BCL11A: variants seen among roughly 807,000 people sequenced by gnomAD.
BCL11A encodes BCL11 transcription factor A, also known as B cell CLL/lymphoma 11A.
Under a neutral mutation model 55.9 loss-of-function variants are expected in BCL11A, and 2 were observed. The observed-to-expected ratio is 0.04, with a 90% confidence interval of 0.01 to 0.11. BCL11A has a LOEUF of 0.11. Ranked by LOEUF, BCL11A falls within the 10% of genes least tolerant of loss-of-function variation. BCL11A has a pLI of 1.00. For missense variants in BCL11A, 817 were observed against 1,137.1 expected (o/e 0.72, Z 4.05); for synonymous variants, 465 against 473.4 (o/e 0.98, Z 0.23).
At chr2:60,467,192 G>GGTGGTGGTAGTGGTGGTGT (rs1676718594) in intron 3 of BCL11A, among the ~76,000 whole-genome samples, 2 of 140,764 alleles carry the variant, frequency 1.4e-5, no homozygotes, top group East Asian at 2.2e-4. Context: ...GGTGGTGATG[G>GGTGGTGGTAGTGGTGGTGT]TGGTGGTGAT....
rs556926665 is a variant in BCL11A at position 60,491,367 on chromosome 2, C to G, written c.386-22534G>C. Among the ~76,000 whole-genome samples the G allele has an allele frequency of 2.0e-5, 3 of 152,248 alleles. No homozygotes were observed. The South Asian group carries it at 6.2e-4, about 32-fold the overall frequency. On this transcript the variant is annotated intron_variant, in intron 2 of 3. Coordinates refer to ENST00000642384, the MANE Select transcript of BCL11A (RefSeq NM_022893.4). ...CTATTAAGTACAGTAAAAGGAAGTC[C>G]TAACTATCATTTGAAATGCTCCCGG...
chr2:60,481,429 AACGCACT>A (rs1358866556), intron 2 of BCL11A, among the ~76,000 whole-genome samples: 1 of 152,140 alleles, frequency 6.6e-6, no homozygotes, highest in Non-Finnish European at 1.5e-5. Flanking sequence ...TTGCGGCTTT[AACGCACT>A]ACACCCCACC....
chr2:60,540,381 G>T (rs933946180), intron 2 of BCL11A, among the ~76,000 whole-genome samples: 2 of 152,192 alleles, frequency 1.3e-5, no homozygotes, highest in Non-Finnish European at 2.9e-5. Flanking sequence ...GCAATAAAGG[G>T]TGTGAACAGA....
At chr2:60,526,673 G>A (rs897269188) in intron 2 of BCL11A, 1 of 152,222 alleles carries the variant, frequency 6.6e-6, no homozygotes, top group African/African-American at 2.4e-5. Flanking sequence ...AAGCCTTCAA[G>A]TGCAGTGTGT....
chr2:60,457,952 CTTT>C lies in BCL11A; in HGVS notation c.*2449_*2451del, dbSNP rs373340401. On this transcript the variant is annotated 3_prime_UTR_variant, in exon 4 of 4. Coordinates refer to ENST00000642384, the MANE Select transcript of BCL11A (RefSeq NM_022893.4). The stretch of plus-strand genomic sequence containing the variant: ...TAATGTCACACTTTTTTGTTTCTCT[CTTT>C]TTTTTTTTTTTGAAGCATACAAATA... 5.0e-5 allele frequency: 46 copies of C among 916,336 alleles called. No homozygotes were observed. The highest frequency in any genetic ancestry group is 2.7e-4 in the East Asian group (4 of 14,848). The allele number at this position is 916,336 out of a possible 1,614,324, so 56.8% of individuals were successfully genotyped here.
intron 2 of BCL11A, among the ~76,000 whole-genome samples, chr2:60,488,150 C>T (rs1678394642): frequency 6.6e-6 from 1 of 152,220 alleles, no homozygotes; most frequent in Non-Finnish European, 1.5e-5. Flanking sequence ...GTCTCACGGG[C>T]TGTTCAAAGA....
At chr2:60,520,835 C>T (rs1263327008) in intron 2 of BCL11A, among the ~76,000 whole-genome samples, 1 of 151,988 alleles carries the variant, frequency 6.6e-6, no homozygotes, top group Non-Finnish European at 1.5e-5. Context: ...CCACCCATGC[C>T]CTTCTCCAGT....
chr2:60,495,150 C>T lies in BCL11A; in HGVS notation c.386-26317G>A, dbSNP rs528550706. On this transcript the variant is annotated intron_variant, in intron 2 of 3. Transcript: ENST00000642384. ...ATCCAATTCTCCATCACCAAGAGAG[C>T]CTTCCGAAAGAGGCCCCCCTGGGCA... is the stretch of plus-strand genomic sequence containing the variant. Among the ~76,000 whole-genome samples, 28 of 152,360 alleles carry T rather than the reference C, an allele frequency of 1.8e-4. No homozygotes were observed. In the East Asian group the frequency reaches 4.6e-3, roughly 25 times the overall value.
intron 2 of BCL11A, among the ~76,000 whole-genome samples, chr2:60,529,789 G>C (rs528769306): frequency 3.3e-5 from 5 of 152,306 alleles, no homozygotes; most frequent in Middle Eastern, 6.8e-3. Context: ...GCCTTTTCAA[G>C]TCTATGATGG....
At chr2:60,496,771 AG>A (rs1157681741) in intron 2 of BCL11A, among the ~76,000 whole-genome samples, 1 of 132,294 alleles carries the variant, frequency 7.6e-6, no homozygotes, top group Non-Finnish European at 1.6e-5. Context: ...TTCCACTGTG[AG>A]TGCTCTCTCT....
At chr2:60,499,292 C>CT (rs1558646194) in intron 2 of BCL11A, among the ~76,000 whole-genome samples, 2 of 151,990 alleles carry the variant, frequency 1.3e-5, no homozygotes, top group African/African-American at 4.8e-5. Context: ...TGTGACGCCC[C>CT]TGCCCAGCCA....
intron 2 of BCL11A, among the ~76,000 whole-genome samples, chr2:60,519,230 T>C (rs138907061): frequency 1.3e-5 from 2 of 152,284 alleles, no homozygotes; most frequent in East Asian, 3.9e-4. Flanking sequence ...CTATGCATGC[T>C]CTGTCTATGG....
chr2:60,530,643 A>G (rs944892310), intron 2 of BCL11A, among the ~76,000 whole-genome samples: 19 of 150,358 alleles, frequency 1.3e-4, no homozygotes, highest in African/African-American at 4.6e-4. Flanking sequence ...CCAAAAGACC[A>G]GGGAGCATTT....
intron 2 of BCL11A, among the ~76,000 whole-genome samples, chr2:60,514,929 C>CA (rs1212582620): frequency 2.0e-5 from 3 of 151,594 alleles, no homozygotes; most frequent in African/African-American, 7.3e-5. Flanking sequence ...CTTTTAAACT[C>CA]ATCCAAGAGC....
chr2:60,475,883 A>G (rs1002154015), intron 2 of BCL11A, among the ~76,000 whole-genome samples: 12 of 152,270 alleles, frequency 7.9e-5, no homozygotes, highest in Non-Finnish European at 1.5e-4. Flanking sequence ...TCCTCTGGAG[A>G]GACTGCTAGA....
chr2:60,456,511 A>G (rs1675940391), downstream of BCL11A, among the ~76,000 whole-genome samples: 1 of 152,208 alleles, frequency 6.6e-6, no homozygotes, highest in African/African-American at 2.4e-5. Context: ...CAGAACCACA[A>G]GGCAAACCAC....
In BCL11A at chr2:60,458,068, T is replaced by TA. The variant is rs1676031747; in HGVS notation, c.*2335dup. The TA allele has an allele frequency of 9.7e-7, 1 of 1,033,382 alleles. No individual in the cohort carries two copies. Among genetic ancestry groups the TA allele is most frequent in the South Asian group, 4.6e-5 (1 of 21,682 alleles). 64.0% of individuals were successfully genotyped at this position (1,033,382 alleles called of 1,614,324 possible). On this transcript the variant is annotated 3_prime_UTR_variant, in exon 4 of 4. Coordinates refer to ENST00000642384, the MANE Select transcript of BCL11A (RefSeq NM_022893.4). ...TCCACTACCAAAAAAGGTACATTGA[T>TA]ACCTTTTAAGAGAACAAGCAACAGT...
At chr2:60,471,326 C>T (rs4672394) in intron 2 of BCL11A, among the ~76,000 whole-genome samples, 42,653 of 152,176 alleles carry the variant, frequency 0.28, 7,211 homozygotes, top group East Asian at 0.77. Flanking sequence ...CTTTGTGAGA[C>T]TCACCCTTGC....
intron 2 of BCL11A, among the ~76,000 whole-genome samples, chr2:60,513,082 G>A (rs996941070): frequency 6.6e-6 from 1 of 152,160 alleles, no homozygotes; most frequent in Non-Finnish European, 1.5e-5. Context: ...ACCATTTGAG[G>A]AGAGGTTCAG....
Sources: allele counts gnomAD v4.1 joint callset (sites outside exome capture counted in the v4.1 genomes callset), GRCh38; gene constraint gnomAD v4.1.1; transcripts MANE v1.5; gene names NCBI Gene and HGNC (gene_info 2026-07-23, HGNC 2026-07-21).